The following PPP1R21 variants were observed in gnomAD, a reference collection of about 807,000 sequenced individuals.
PPP1R21 encodes the protein protein phosphatase 1 regulatory subunit 21.
Under a neutral mutation model 112.8 loss-of-function variants are expected in PPP1R21, and 85 were observed. The ratio of observed to expected loss-of-function variants is 0.75; its 90% confidence interval spans 0.63 to 0.90. The LOEUF (loss-of-function observed/expected upper bound fraction) is 0.90, where lower values mean the gene tolerates loss of function less well. Ranked by LOEUF, PPP1R21 falls within the 40% of genes least tolerant of loss-of-function variation. The probability of loss-of-function intolerance (pLI) is 0.00; values close to 1 mark genes in which losing one functional copy is unlikely to be tolerated. For synonymous variants in PPP1R21, 381 were observed against 322.3 expected, an observed-to-expected ratio of 1.18 and a Z score of -1.95; for missense variants, 1,199 against 901.5, an observed-to-expected ratio of 1.33 and a Z score of -4.23.
At chr2:48,463,722 A>G (rs1394412913) in intron 7 of PPP1R21, among the ~76,000 whole-genome samples, 1 of 152,106 alleles carries the variant, frequency 6.6e-6, no homozygotes, top group Non-Finnish European at 1.5e-5. Flanking sequence ...TACTGAAGAT[A>G]GAAGCAGGGA....
In PPP1R21 at chr2:48,460,164, A is replaced by G. The variant is rs1409249549; in HGVS notation, c.599+11A>G. ...TCGAACGGAAGAATGGTATGTGGAA[A>G]CTTGAATTCCAAGAGGGTTCTGAAG... is the stretch of plus-strand genomic sequence containing the variant. On this transcript the variant is annotated intron_variant, in intron 6 of 21. Transcript: ENST00000294952. The G allele has an allele frequency of 1.9e-6, 3 of 1,613,834 alleles. No individual in the cohort carries two copies. Among genetic ancestry groups the G allele is most frequent in the Non-Finnish European group, 2.5e-6 (3 of 1,179,866 alleles).
At position 48,491,063 on chromosome 2, in the gene PPP1R21, C is replaced by G; in HGVS notation, c.1492C>G (p.Leu498Val). 1 of 1,613,820 alleles carries G rather than the reference C, an allele frequency of 6.2e-7. No homozygotes were observed. The highest frequency in any genetic ancestry group is 8.5e-7 in the Non-Finnish European group (1 of 1,179,706). The change falls in exon 15 of 22, where the codon CTG (leucine) becomes GTG (valine). Residue 498 changes from leucine (L) to valine (V), a missense_variant. Coordinates refer to ENST00000294952, the MANE Select transcript of PPP1R21 (RefSeq NM_001135629.3). ...CAATTTGGACTACTTCATTGCTTCACTGAGCTATGGACCTAAGGCAGCGAG... is the reference window on the plus strand; with the variant it reads ...CAATTTGGACTACTTCATTGCTTCAGTGAGCTATGGACCTAAGGCAGCGAG... ...SNNLDYFIAS[L>V]SYGPKAASGF...
chr2:48,486,498 G>C (rs1363800229), intron 13 of PPP1R21, 133 bp from the exon 14 acceptor site: 1 of 660,108 alleles, frequency 1.5e-6, no homozygotes, highest in Non-Finnish European at 2.6e-6. Flanking sequence ...GTGCAATCCT[G>C]ACACTTGAGA....
Position 48,511,425 on chromosome 2 carries a change from C to G in PPP1R21, c.2270C>G (p.Ser757Cys). The G allele has an allele frequency of 2.5e-6, 4 of 1,614,010 alleles. No individual in the cohort carries two copies. The highest frequency in any genetic ancestry group is 3.4e-6 in the Non-Finnish European group (4 of 1,179,982). ...DHLCSMNETLSKQREEIDTLK... is the reference protein window; with the variant it reads ...DHLCSMNETLCKQREEIDTLK... Reference sequence around the variant, plus strand: ...CTGTGCAGCATGAATGAGACATTATCTAAACAGAGAGAAGAGATTGACACA... The same window carrying G: ...CTGTGCAGCATGAATGAGACATTATGTAAACAGAGAGAAGAGATTGACACA... The change falls in exon 21 of 22, where the codon TCT (serine) becomes TGT (cysteine). Residue 757 changes from serine (S) to cysteine (C), a missense_variant. Coordinates refer to ENST00000294952, the MANE Select transcript of PPP1R21 (RefSeq NM_001135629.3).
At chr2:48,506,158 G>A in intron 18 of PPP1R21, among the ~76,000 whole-genome samples, 1 of 152,208 alleles carries the variant, frequency 6.6e-6, no homozygotes, top group Non-Finnish European at 1.5e-5. Flanking sequence ...GCAGTGGCAT[G>A]ATCTCAGCTT....
At chr2:48,494,888 T>G (rs906867548) in intron 15 of PPP1R21, among the ~76,000 whole-genome samples, 1 of 151,866 alleles carries the variant, frequency 6.6e-6, no homozygotes, top group African/African-American at 2.4e-5. Context: ...TGGCTAATTT[T>G]TGTATTTTTA....
At chr2:48,503,539 G>C (rs1015083631) in intron 17 of PPP1R21, among the ~76,000 whole-genome samples, 7 of 152,134 alleles carry the variant, frequency 4.6e-5, no homozygotes, top group Admixed American at 4.6e-4. Flanking sequence ...CAGAAGGCAT[G>C]AATATTTTCA....
intron 14 of PPP1R21, among the ~76,000 whole-genome samples, chr2:48,488,547 T>A (rs922871583): frequency 1.5e-4 from 23 of 152,170 alleles, no homozygotes; most frequent in African/African-American, 5.3e-4. Context: ...TGTTTTTGTA[T>A]TTTTAGTAGA....
At chr2:48,478,139 C>G (rs1220944991) in intron 12 of PPP1R21, among the ~76,000 whole-genome samples, 1 of 152,216 alleles carries the variant, frequency 6.6e-6, no homozygotes, top group Non-Finnish European at 1.5e-5. Context: ...AGAAAGAATT[C>G]TCCCTTAGGG....
At chr2:48,456,423 A>G (rs1667728722) in intron 3 of PPP1R21, among the ~76,000 whole-genome samples, 1 of 152,216 alleles carries the variant, frequency 6.6e-6, no homozygotes, top group African/African-American at 2.4e-5. Flanking sequence ...AGAAGAGCAC[A>G]GGCTTCAGAT....
chr2:48,455,487 G>C (rs1012140561), intron 3 of PPP1R21, among the ~76,000 whole-genome samples: 1 of 151,992 alleles, frequency 6.6e-6, no homozygotes, highest in Non-Finnish European at 1.5e-5. Context: ...CTGGATATTA[G>C]GTCAAGAAAG....
intron 16 of PPP1R21, among the ~76,000 whole-genome samples, chr2:48,497,301 A>G (rs1162969787): frequency 6.6e-6 from 1 of 152,184 alleles, no homozygotes; most frequent in African/African-American, 2.4e-5. Context: ...AGTCTTCTGT[A>G]TTGATTGTTA....
At chr2:48,512,161 A>G (rs1406756675) in intron 21 of PPP1R21, among the ~76,000 whole-genome samples, 1 of 152,230 alleles carries the variant, frequency 6.6e-6, no homozygotes, top group Non-Finnish European at 1.5e-5. Flanking sequence ...ATAAATGTTA[A>G]TATAACCTTG....
At chr2:48,500,389 T>C (rs1236721615) in intron 17 of PPP1R21, among the ~76,000 whole-genome samples, 2 of 152,158 alleles carry the variant, frequency 1.3e-5, no homozygotes, top group Admixed American at 1.3e-4. Context: ...AGATGTTTAC[T>C]ATACTTTTTA....
At chr2:48,469,155 A>G (rs1668343181) in intron 9 of PPP1R21, among the ~76,000 whole-genome samples, 1 of 150,924 alleles carries the variant, frequency 6.6e-6, no homozygotes, top group African/African-American at 2.4e-5. Context: ...CCATGATTCA[A>G]TTACCTCCCC....
At chr2:48,461,273 A>C (rs1667965325) in intron 7 of PPP1R21, 41 bp downstream of exon 7, 1 of 1,492,172 alleles carries the variant, frequency 6.7e-7, no homozygotes, top group Non-Finnish European at 8.9e-7. Flanking sequence ...GTAACTTTGA[A>C]TCTCTCTGTG....
chr2:48,491,482 C>T (rs1250684260), intron 15 of PPP1R21, among the ~76,000 whole-genome samples: 1 of 148,358 alleles, frequency 6.7e-6, no homozygotes, highest in Non-Finnish European at 1.5e-5. Context: ...CTTGTAGAAA[C>T]AGAAAAAAAA....
At chr2:48,478,575 A>G (rs538636061) in intron 12 of PPP1R21, among the ~76,000 whole-genome samples, 13 of 152,284 alleles carry the variant, frequency 8.5e-5, no homozygotes, top group African/African-American at 2.6e-4. Flanking sequence ...TGGGGCATCA[A>G]TTGTCTATTC....
intron 13 of PPP1R21, among the ~76,000 whole-genome samples, chr2:48,483,065 C>T (rs1669098163): frequency 6.6e-6 from 1 of 152,042 alleles, no homozygotes. Flanking sequence ...CGTTAGTTTG[C>T]TGAAGATAAT....
Sources: gnomAD v4.1 joint callset for allele counts (sites outside exome capture counted in the v4.1 genomes callset) on GRCh38, gnomAD v4.1.1 for gene constraint, MANE v1.5 for transcripts, NCBI Gene and HGNC (gene_info 2026-07-23, HGNC 2026-07-21) for gene names.